Variants in NAALADL2 observed in about 807,000 individuals in gnomAD.
NAALADL2 encodes inactive N-acetylated-alpha-linked acidic dipeptidase-like protein 2.
In NAALADL2, 76 loss-of-function variants were observed where a neutral mutation model predicts 87.2. The ratio of observed to expected loss-of-function variants is 0.87; its 90% CI spans 0.72 to 1.05. The LOEUF (loss-of-function observed/expected upper bound fraction) is 1.05, where lower values mean the gene tolerates loss of function less well. NAALADL2 is among the 50% of genes least tolerant of loss of function. The pLI is 0.00. For synonymous variants in NAALADL2, 354 were observed against 331.0 expected (o/e 1.07, Z -0.75); for missense variants, 1,089 against 945.8 (o/e 1.15, Z -1.99).
rs139981647 is a variant in NAALADL2 at position 174,899,258 on chromosome 3, G to C, written c.43+39808G>C. 1.9e-3 allele frequency among the ~76,000 whole-genome samples: 282 copies of C among 152,122 alleles called. 1 individual carries two copies. The highest frequency in any genetic ancestry group is 5.7e-3 in the African/African-American group (238 of 41,504). Reference sequence around the variant, plus strand: ...TATTAGAGAAGAAAGACATGAAAGAGAAATGAGTAATATATAGAAAGAGAA... The same window carrying C: ...TATTAGAGAAGAAAGACATGAAAGACAAATGAGTAATATATAGAAAGAGAA... On this transcript the variant is annotated intron_variant, in intron 1 of 13. Transcript: ENST00000454872.
intron 3 of NAALADL2, among the ~76,000 whole-genome samples, chr3:174,760,947 C>G (rs890122237): frequency 2.6e-5 from 4 of 152,122 alleles, no homozygotes; most frequent in Non-Finnish European, 5.9e-5. Flanking sequence ...TTGGGCAAAC[C>G]TAGTATGTGA....
intron 5 of NAALADL2, among the ~76,000 whole-genome samples, chr3:175,370,525 T>C (rs566010895): frequency 6.6e-6 from 1 of 151,996 alleles, no homozygotes; most frequent in East Asian, 1.9e-4. Context: ...TTTATAAAAA[T>C]AGCTTTATTC....
intron 10 of NAALADL2, among the ~76,000 whole-genome samples, chr3:175,626,961 A>G (rs939417515): frequency 1.3e-5 from 2 of 151,862 alleles, no homozygotes; most frequent in Non-Finnish European, 2.9e-5. Flanking sequence ...AGATGATTAG[A>G]TGATTTTTTG....
At chr3:175,233,730 A>G (rs1239306483) in intron 2 of NAALADL2, among the ~76,000 whole-genome samples, 1 of 152,142 alleles carries the variant, frequency 6.6e-6, no homozygotes, top group Non-Finnish European at 1.5e-5. Flanking sequence ...GAGCTACCAC[A>G]AGGGCCGTCA....
intron 1 of NAALADL2, among the ~76,000 whole-genome samples, chr3:174,544,616 G>A (rs1472086871): frequency 1.4e-5 from 2 of 143,132 alleles, no homozygotes; most frequent in Non-Finnish European, 3.0e-5. Flanking sequence ...TGCCAGGCTG[G>A]AGTGCAGTGG....
intron 2 of NAALADL2, among the ~76,000 whole-genome samples, chr3:174,621,441 T>C (rs1720983609): frequency 6.6e-6 from 1 of 152,018 alleles, no homozygotes; most frequent in Admixed American, 6.6e-5. Context: ...ATTCATATCA[T>C]CAACTGAAGG....
Position 175,016,278 on chromosome 3 carries a change from A to ATATATAT in NAALADL2, c.44-80512_44-80511insTATATAT, listed in dbSNP as rs58474829. Among the ~76,000 whole-genome samples, 1,360 of 144,804 alleles carry ATATATAT rather than the reference A, an allele frequency of 9.4e-3. 23 individuals are homozygous for ATATATAT. Among genetic ancestry groups the ATATATAT allele is most frequent in the African/African-American group, 0.032 (1,226 of 38,286 alleles). 95.0% of individuals were successfully genotyped at this position (144,804 alleles called of 152,430 possible). On this transcript the variant is annotated intron_variant, in intron 1 of 13. Coordinates refer to ENST00000454872, the MANE Select transcript of NAALADL2 (RefSeq NM_207015.3). The stretch of plus-strand genomic sequence containing the variant: ...AATTATTTATATATATATATATATA[A>ATATATAT]AAAACAATAGCAATTTTAGTAATAA...
At chr3:175,645,521 T>TG (rs1260644496) in intron 11 of NAALADL2, among the ~76,000 whole-genome samples, 1 of 152,006 alleles carries the variant, frequency 6.6e-6, no homozygotes, top group Non-Finnish European at 1.5e-5. Flanking sequence ...AAATTTTTCC[T>TG]GGGGGGCATT....
intron 9 of NAALADL2, among the ~76,000 whole-genome samples, chr3:175,551,979 T>G (rs1714463355): frequency 6.6e-6 from 1 of 152,092 alleles, no homozygotes; most frequent in Non-Finnish European, 1.5e-5. Flanking sequence ...ATATTCTGTT[T>G]GTGATAAATG....
intron 5 of NAALADL2, among the ~76,000 whole-genome samples, chr3:175,404,521 A>G (rs943744732): frequency 4.6e-5 from 7 of 152,158 alleles, no homozygotes; most frequent in Admixed American, 1.3e-4. Context: ...AAGCAATGCA[A>G]TGTAGAGAGT....
At chr3:175,282,316 C>T (rs547636323) in intron 4 of NAALADL2, among the ~76,000 whole-genome samples, 4 of 152,100 alleles carry the variant, frequency 2.6e-5, no homozygotes, top group African/African-American at 9.6e-5. Flanking sequence ...CTTGATAAAG[C>T]TGGTCAGAGA....
chr3:175,427,039 C>G (rs1247705995), intron 5 of NAALADL2, among the ~76,000 whole-genome samples: 1 of 152,176 alleles, frequency 6.6e-6, no homozygotes, highest in Non-Finnish European at 1.5e-5. Flanking sequence ...AATTTTAACT[C>G]TGGTAGATAC....
At chr3:174,950,669 C>T (rs1206632254) in intron 1 of NAALADL2, among the ~76,000 whole-genome samples, 3 of 152,014 alleles carry the variant, frequency 2.0e-5, no homozygotes, top group South Asian at 2.1e-4. Context: ...AGGTTGTGCA[C>T]AACTTTGTTT....
intron 2 of NAALADL2, among the ~76,000 whole-genome samples, chr3:175,229,752 A>G (rs545214855): frequency 6.6e-6 from 1 of 152,114 alleles, no homozygotes; most frequent in South Asian, 2.1e-4. Context: ...GGATTTATTG[A>G]TATATTATTA....
At chr3:175,154,580 A>C (rs754883480) in intron 2 of NAALADL2, among the ~76,000 whole-genome samples, 8 of 152,174 alleles carry the variant, frequency 5.3e-5, no homozygotes, top group Admixed American at 2.0e-4. Flanking sequence ...GTGCTATGTA[A>C]GAACACTGTG....
At chr3:174,797,311 T>TTTTC (rs1560234271) in intron 3 of NAALADL2, among the ~76,000 whole-genome samples, 4 of 95,900 alleles carry the variant, frequency 4.2e-5, no homozygotes, top group Non-Finnish European at 9.4e-5. Flanking sequence ...TTTTCTTTTT[T>TTTTC]TTTTTTTTTT....
chr3:174,630,561 G>C (rs1722012279), intron 2 of NAALADL2, among the ~76,000 whole-genome samples: 1 of 152,064 alleles, frequency 6.6e-6, no homozygotes, highest in Non-Finnish European at 1.5e-5. Flanking sequence ...ACCTTTTCAG[G>C]CTGTATCTTT....
At chr3:174,863,500 AG>A (rs1367655504) in intron 1 of NAALADL2, among the ~76,000 whole-genome samples, 6 of 151,782 alleles carry the variant, frequency 4.0e-5, no homozygotes, top group African/African-American at 9.7e-5. Context: ...GTAAGTTCAT[AG>A]GCACATGTAT....
intron 10 of NAALADL2, among the ~76,000 whole-genome samples, chr3:175,597,345 G>C (rs915767980): frequency 1.3e-5 from 2 of 151,968 alleles, no homozygotes; most frequent in Non-Finnish European, 2.9e-5. Context: ...AATACTGCAA[G>C]ACCATGTCTA....
Sources: allele counts gnomAD v4.1 joint callset (sites outside exome capture counted in the v4.1 genomes callset), GRCh38; gene constraint gnomAD v4.1.1; transcripts MANE v1.5; gene names NCBI Gene and HGNC (gene_info 2026-07-23, HGNC 2026-07-21).